The following PKM variants were observed in gnomAD, a reference collection of about 807,000 sequenced individuals.
PKM encodes pyruvate kinase PKM.
PKM carries 18 observed loss-of-function variants against 49.8 expected under a neutral mutation model. That is an observed-to-expected ratio of 0.36 (90% CI 0.25 to 0.54). The LOEUF (loss-of-function observed/expected upper bound fraction) is 0.54. PKM is among the 20% of genes least tolerant of loss of function. PKM has a pLI of 0.89. For missense variants in PKM, 508 were observed against 713.8 expected (o/e 0.71, Z 3.28); for synonymous variants, 239 against 261.8 (o/e 0.91, Z 0.84).
chr15:72,211,769 AC>A (rs1327049530), intron 3 of PKM, among the ~76,000 whole-genome samples: 5 of 150,938 alleles, frequency 3.3e-5, no homozygotes, highest in African/African-American at 1.2e-4. Context: ...TGATCACACC[AC>A]TGCACTCCGG....
At chr15:72,206,000 G>A (rs2082068669) in intron 8 of PKM, among the ~76,000 whole-genome samples, 1 of 152,170 alleles carries the variant, frequency 6.6e-6, no homozygotes. Flanking sequence ...AGAAAGAAGG[G>A]AAAGAGCCTC....
chr15:72,224,654 A>C (rs1404790471), intron 1 of PKM, among the ~76,000 whole-genome samples: 1 of 152,116 alleles, frequency 6.6e-6, no homozygotes, highest in Non-Finnish European at 1.5e-5. Flanking sequence ...CTTGAGGCTA[A>C]GAGTTCGAGA....
chr15:72,222,163 A>C (rs1446505340), intron 1 of PKM, among the ~76,000 whole-genome samples: 1 of 152,232 alleles, frequency 6.6e-6, no homozygotes, highest in Non-Finnish European at 1.5e-5. Flanking sequence ...TATAAGCTCT[A>C]ATTTTTTGCC....
In PKM at chr15:72,219,122, C is replaced by T; in HGVS notation, c.-13-12G>A. 2 of 1,608,902 alleles carry T rather than the reference C, an allele frequency of 1.2e-6. No homozygotes were observed. Among genetic ancestry groups the T allele is most frequent in the Non-Finnish European group, 1.7e-6 (2 of 1,176,068 alleles). On this transcript the variant is annotated splice_polypyrimidine_tract_variant and intron_variant, in intron 1 of 10. Coordinates refer to ENST00000335181, the MANE Select transcript of PKM (RefSeq NM_002654.6). ...TGGCTGCTGAGGTCCTGGGTCGAGA[C>T]AAATTGAAAGAGAGTGGTAAGACTG... is the stretch of plus-strand genomic sequence containing the variant.
intron 3 of PKM, among the ~76,000 whole-genome samples, chr15:72,212,704 G>A (rs1434072481): frequency 6.6e-6 from 1 of 152,134 alleles, no homozygotes; most frequent in East Asian, 1.9e-4. Flanking sequence ...TTATCACGTG[G>A]ATAAGAGTTC....
intron 1 of PKM, chr15:72,222,635 A>AGG (rs757630331): frequency 3.3e-5 from 5 of 152,460 alleles, no homozygotes; most frequent in Non-Finnish European, 7.3e-5. Flanking sequence ...TCCTCCTAGG[A>AGG]AGGCACAGAC....
chr15:72,218,722 G>A, intron 2 of PKM, among the ~76,000 whole-genome samples: 1 of 151,868 alleles, frequency 6.6e-6, no homozygotes, highest in South Asian at 2.1e-4. Context: ...CGCCATCTTA[G>A]CAATTTTGAA....
intron 5 of PKM, chr15:72,209,466 T>C (rs1299618835): frequency 3.1e-6 from 1 of 319,692 alleles, no homozygotes; most frequent in East Asian, 7.0e-5. Flanking sequence ...TATGTATGTA[T>C]GTTCCTGTGT....
rs1421222979 is a variant in PKM at position 72,205,481 on chromosome 15, T to A, written c.1140+1247A>T. On this transcript the variant is annotated intron_variant, in intron 8 of 10. Transcript: ENST00000335181. ...CTGATGACAGACAGTCCGGAAAATA[T>A]CCTTAGTCAAGTGTGAACTCAGTTC... is the stretch of plus-strand genomic sequence containing the variant. 3.3e-5 allele frequency among the ~76,000 whole-genome samples: 5 copies of A among 152,302 alleles called. No homozygotes were observed. The East Asian group carries it at 7.7e-4, about 23-fold the overall frequency.
chr15:72,202,461 A>C lies in PKM; in HGVS notation c.1300T>G (p.Ser434Ala), dbSNP rs767683783. The C allele has an allele frequency of 6.2e-7, 1 of 1,612,874 alleles. No individual in the cohort carries two copies. Among genetic ancestry groups the C allele is most frequent in the South Asian group, 1.1e-5 (1 of 90,886 alleles). ...CSGAIIVLTK[S>A]GRSAHQVARY... Reference sequence around the variant, plus strand: ...GCCGCTGCCGCCTCCTACCTGCCAGACTTGGTGAGGACGATTATGGCCCCA... The same window carrying C: ...GCCGCTGCCGCCTCCTACCTGCCAGCCTTGGTGAGGACGATTATGGCCCCA... Residue 434 changes from serine to alanine, a missense_variant, in exon 9 of 11, where the codon TCT (serine) becomes GCT (alanine). Transcript: ENST00000335181. This position sits in a 1 kb window ranked among gnomAD's most constrained non-coding sequence, Gnocchi z 4.5.
intron 1 of PKM, among the ~76,000 whole-genome samples, chr15:72,225,354 T>C (rs1230462468): frequency 1.3e-5 from 2 of 152,038 alleles, no homozygotes; most frequent in Admixed American, 1.3e-4. Flanking sequence ...TCTATTTTAT[T>C]TATTTAAATA....
intron 1 of PKM, among the ~76,000 whole-genome samples, chr15:72,224,047 G>C (rs1431453073): frequency 1.3e-5 from 2 of 152,128 alleles, no homozygotes; most frequent in Admixed American, 1.3e-4. Flanking sequence ...TGCTAAATGG[G>C]CCTACTTCCC....
At chr15:72,224,378 A>G (rs889041293) in intron 1 of PKM, among the ~76,000 whole-genome samples, 1 of 152,162 alleles carries the variant, frequency 6.6e-6, no homozygotes, top group Admixed American at 6.5e-5. Flanking sequence ...CTCAACATTT[A>G]CTGGAAGGGC....
chr15:72,207,529 G>A (rs935889321), intron 6 of PKM, among the ~76,000 whole-genome samples: 5 of 152,164 alleles, frequency 3.3e-5, no homozygotes, highest in African/African-American at 9.7e-5. Flanking sequence ...AAAGGGGAGA[G>A]GGCAAATCCA....
intron 5 of PKM, 143 bp downstream of exon 5, chr15:72,209,530 T>C (rs926884578): frequency 4.1e-6 from 3 of 739,812 alleles, no homozygotes; most frequent in Non-Finnish European, 7.3e-6. Flanking sequence ...TCTTTGAGGA[T>C]AAATGAGTTA....
At chr15:72,199,810 A>C in intron 10 of PKM, 54 bp from the exon 11 acceptor site, 1 of 1,215,576 alleles carries the variant, frequency 8.2e-7, no homozygotes, top group Non-Finnish European at 1.2e-6. Context: ...GCAGGTTTGC[A>C]CCTGGGCAGC....
At position 72,231,119 on chromosome 15, in the gene PKM, C is replaced by T; in HGVS notation, c.-17G>A. 1.4e-5 allele frequency: 5 copies of T among 349,600 alleles called. No homozygotes were observed. The highest frequency in any genetic ancestry group is 2.8e-5 in the Non-Finnish European group (5 of 177,600). The allele number at this position is 349,600 out of a possible 1,614,324, so 21.7% of individuals were successfully genotyped here. A position where few individuals can be genotyped will look rare whatever the true frequency, so the allele number is the denominator to read the frequency against. ...CGTAGCCTCCTGCACCGCTCACCTC[C>T]GGCGCTGACCGACTCGGGCTACGCT... On this transcript the variant is annotated 5_prime_UTR_variant, in exon 1 of 11. Coordinates refer to ENST00000335181, the MANE Select transcript of PKM (RefSeq NM_002654.6).
chr15:72,229,595 T>C (rs1265057945), intron 1 of PKM: 32 of 1,286,588 alleles, frequency 2.5e-5, no homozygotes, highest in Non-Finnish European at 3.2e-5. Flanking sequence ...CTTTCCTGCA[T>C]CTTCTAATCC....
chr15:72,203,491 A>T, intron 8 of PKM: 1 of 418,000 alleles, frequency 2.4e-6, no homozygotes, highest in Non-Finnish European at 4.5e-6. Context: ...GCATGAAAAC[A>T]TGCCCAGGCT....
Sources: allele counts gnomAD v4.1 joint callset (sites outside exome capture counted in the v4.1 genomes callset), GRCh38; gene constraint gnomAD v4.1.1; non-coding constraint Gnocchi (gnomAD v3.1); transcripts MANE v1.5; gene names NCBI Gene and HGNC (gene_info 2026-07-23, HGNC 2026-07-21).